The following GRM1 variants were observed in gnomAD, a reference collection of about 807,000 sequenced individuals.
The protein encoded by GRM1 is glutamate metabotropic receptor 1.
In GRM1, 33 loss-of-function variants were observed where a neutral mutation model predicts 90.9. That is an observed-to-expected ratio of 0.36 (90% CI 0.28 to 0.49). GRM1 has a LOEUF of 0.49. Ranked by LOEUF, GRM1 falls within the 20% of genes least tolerant of loss-of-function variation. The pLI, the probability that GRM1 is intolerant of heterozygous loss-of-function variation, is 0.99. For missense variants in GRM1, 1,190 were observed against 1,534.3 expected (o/e 0.78, Z 3.75); for synonymous variants, 700 against 613.2 (o/e 1.14, Z -2.09).
intron 7 of GRM1, among the ~76,000 whole-genome samples, chr6:146,411,708 A>G (rs1311926962): frequency 1.3e-5 from 2 of 152,212 alleles, no homozygotes; most frequent in Non-Finnish European, 2.9e-5. Context: ...CAGTGAACAA[A>G]GAGAAATACT....
intron 2 of GRM1, among the ~76,000 whole-genome samples, chr6:146,172,943 C>T (rs765646740): frequency 3.3e-5 from 5 of 151,994 alleles, no homozygotes; most frequent in Non-Finnish European, 7.4e-5. Context: ...GAAATAAATA[C>T]GTAAGGCTGG....
intron 2 of GRM1, among the ~76,000 whole-genome samples, chr6:146,197,453 A>T (rs1172140747): frequency 6.6e-6 from 1 of 152,208 alleles, no homozygotes; most frequent in Non-Finnish European, 1.5e-5. Context: ...ATGGGATAAG[A>T]TCCCTGAAAA....
chr6:146,398,968 G>A lies in GRM1; in HGVS notation c.1929G>A (p.Val643=), dbSNP rs1376477974. Residue 643 remains valine, a synonymous_variant, in exon 7 of 8, where the codon GTG becomes GTA. Coordinates refer to ENST00000282753, the MANE Select transcript of GRM1 (RefSeq NM_001278064.2). Reference sequence around the variant, plus strand: ...TAGCTGGCATCTTCCTTGGTTATGTGTGCCCATTCACTCTCATTGCCAAAC... The same window carrying A: ...TAGCTGGCATCTTCCTTGGTTATGTATGCCCATTCACTCTCATTGCCAAAC... The part of the protein sequence containing the change: ...IILAGIFLGY[V]CPFTLIAKPT... 1 of 1,614,040 alleles carries A rather than the reference G, an allele frequency of 6.2e-7. No homozygotes were observed. Among genetic ancestry groups the A allele is most frequent in the Non-Finnish European group, 8.5e-7 (1 of 1,179,980 alleles).
chr6:146,171,886 C>A, intron 2 of GRM1: 1 of 237,222 alleles, frequency 4.2e-6, no homozygotes, highest in Non-Finnish European at 8.8e-6. Context: ...GTTTTTTTTC[C>A]AGCCACCAGC....
At chr6:146,364,517 A>G (rs1457944140) in intron 5 of GRM1, among the ~76,000 whole-genome samples, 3 of 152,164 alleles carry the variant, frequency 2.0e-5, no homozygotes, top group African/African-American at 4.8e-5. Flanking sequence ...TTCTTTAACT[A>G]TTTCATGCCT....
intron 1 of GRM1, among the ~76,000 whole-genome samples, chr6:146,158,718 G>A (rs1777606701): frequency 6.6e-6 from 1 of 152,172 alleles, no homozygotes; most frequent in Non-Finnish European, 1.5e-5. Flanking sequence ...GTTTTTTGAA[G>A]TGTATTTTAT....
chr6:146,386,641 A>T (rs1255971058), intron 5 of GRM1, among the ~76,000 whole-genome samples: 3 of 152,066 alleles, frequency 2.0e-5, no homozygotes, highest in Non-Finnish European at 4.4e-5. Context: ...ATGTAGTCAA[A>T]TAACTCTATA....
At chr6:146,422,940 AGG>A (rs1175177246) in intron 7 of GRM1, among the ~76,000 whole-genome samples, 2 of 146,282 alleles carry the variant, frequency 1.4e-5, no homozygotes, top group South Asian at 2.4e-4. Flanking sequence ...AGGAGAGGAG[AGG>A]GAAATGGAGG....
At chr6:146,116,936 C>G (rs1775772434) in intron 1 of GRM1, among the ~76,000 whole-genome samples, 2 of 151,786 alleles carry the variant, frequency 1.3e-5, no homozygotes, top group South Asian at 4.2e-4. Flanking sequence ...CTCACCACCC[C>G]CACTCCCATT....
chr6:146,161,555 C>T (rs925450680), intron 2 of GRM1, among the ~76,000 whole-genome samples: 1 of 152,082 alleles, frequency 6.6e-6, no homozygotes, highest in African/African-American at 2.4e-5. Context: ...TCTTACCTGC[C>T]CCACCTCTAC....
chr6:146,133,715 C>A (rs1776497501), intron 1 of GRM1, among the ~76,000 whole-genome samples: 1 of 152,282 alleles, frequency 6.6e-6, no homozygotes, highest in East Asian at 1.9e-4. Context: ...GTGGAATTGA[C>A]AAAATCAACC....
chr6:146,222,449 T>C (rs1303225312), intron 2 of GRM1, among the ~76,000 whole-genome samples: 1 of 152,028 alleles, frequency 6.6e-6, no homozygotes, highest in Non-Finnish European at 1.5e-5. Context: ...TCCCAAGATC[T>C]GCTGCTGGAG....
At chr6:146,050,611 G>C (rs1791490140) in intron 1 of GRM1, among the ~76,000 whole-genome samples, 1 of 151,994 alleles carries the variant, frequency 6.6e-6, no homozygotes, top group South Asian at 2.1e-4. Flanking sequence ...TCTTCTCTTT[G>C]GAAATTTCCA....
intron 1 of GRM1, among the ~76,000 whole-genome samples, chr6:146,089,326 G>C (rs1776642541): frequency 6.6e-6 from 1 of 152,112 alleles, no homozygotes; most frequent in Non-Finnish European, 1.5e-5. Context: ...AACTGAGTGA[G>C]TCTGGGAGCA....
chr6:146,250,838 T>C (rs1781244244), intron 2 of GRM1, among the ~76,000 whole-genome samples: 1 of 152,180 alleles, frequency 6.6e-6, no homozygotes, highest in African/African-American at 2.4e-5. Context: ...GATTTAAGGG[T>C]ATATTACTGG....
intron 2 of GRM1, among the ~76,000 whole-genome samples, chr6:146,298,476 A>G (rs572369089): frequency 6.6e-6 from 1 of 152,132 alleles, no homozygotes; most frequent in Non-Finnish European, 1.5e-5. Context: ...TTCACATTCC[A>G]CTCAAACCTT....
intron 2 of GRM1, among the ~76,000 whole-genome samples, chr6:146,163,531 T>C (rs1185252769): frequency 1.3e-5 from 2 of 152,228 alleles, no homozygotes; most frequent in Non-Finnish European, 2.9e-5. Context: ...CAAAAAGTGC[T>C]GCAGTGCCAG....
At chr6:146,402,471 A>G (rs1777192882) in intron 7 of GRM1, among the ~76,000 whole-genome samples, 1 of 152,190 alleles carries the variant, frequency 6.6e-6, no homozygotes, top group Non-Finnish European at 1.5e-5. Context: ...CAAAAAGCAC[A>G]AACAGTCTAA....
intron 2 of GRM1, among the ~76,000 whole-genome samples, chr6:146,262,378 A>G (rs990058374): frequency 6.6e-6 from 1 of 152,082 alleles, no homozygotes; most frequent in African/African-American, 2.4e-5. Flanking sequence ...TACCAAAAGT[A>G]TCTTAAGTAA....
Sources: gnomAD v4.1 joint callset for allele counts (sites outside exome capture counted in the v4.1 genomes callset) on GRCh38, gnomAD v4.1.1 for gene constraint, MANE v1.5 for transcripts, NCBI Gene and HGNC (gene_info 2026-07-23, HGNC 2026-07-21) for gene names.